Variants in DTD1 observed in about 807,000 individuals in gnomAD.
The protein encoded by DTD1 is D-tyrosyl-tRNA deacylase 1 homolog.
DTD1 carries 13 observed loss-of-function variants against 25.6 expected under a neutral mutation model. That is an observed-to-expected ratio of 0.51 (90% CI 0.33 to 0.81). DTD1 has a LOEUF of 0.81. Ranked by LOEUF, DTD1 falls within the 30% of genes least tolerant of loss-of-function variation. DTD1 has a pLI of 0.02. For synonymous variants in DTD1, 110 were observed against 103.6 expected, an observed-to-expected ratio of 1.06 and a Z score of -0.37; for missense variants, 193 against 266.4, an observed-to-expected ratio of 0.72 and a Z score of 1.92.
At chr20:18,692,524 T>A (rs1331595628) in intron 4 of DTD1, among the ~76,000 whole-genome samples, 2 of 152,208 alleles carry the variant, frequency 1.3e-5, no homozygotes, top group African/African-American at 4.8e-5. Context: ...CCACCATGAA[T>A]GGATCCACTC....
intron 1 of DTD1, among the ~76,000 whole-genome samples, chr20:18,592,023 T>A (rs1298652508): frequency 6.6e-6 from 1 of 152,248 alleles, no homozygotes. Flanking sequence ...TGATGTGCTC[T>A]GCTGGGATCT....
chr20:18,661,540 T>G (rs1391671959), intron 4 of DTD1, among the ~76,000 whole-genome samples: 1 of 152,008 alleles, frequency 6.6e-6, no homozygotes, highest in African/African-American at 2.4e-5. Flanking sequence ...CCTGGCTAAT[T>G]TTTTGTATTT....
chr20:18,630,064 G>A (rs2060778734), intron 4 of DTD1, among the ~76,000 whole-genome samples: 1 of 151,962 alleles, frequency 6.6e-6, no homozygotes, highest in Non-Finnish European at 1.5e-5. Flanking sequence ...GAACATGTCT[G>A]ATGTAGTAGG....
chr20:18,673,994 T>A (rs1217367290), intron 4 of DTD1, among the ~76,000 whole-genome samples: 1 of 152,218 alleles, frequency 6.6e-6, no homozygotes, highest in Non-Finnish European at 1.5e-5. Context: ...CACCTTTTCT[T>A]AAATGACCAA....
At chr20:18,711,509 C>CCCT (rs1223534631) in intron 4 of DTD1, among the ~76,000 whole-genome samples, 1 of 151,960 alleles carries the variant, frequency 6.6e-6, no homozygotes, top group Non-Finnish European at 1.5e-5. Flanking sequence ...GTTTCTTAGG[C>CCCT]TTGTCCTTTT....
At chr20:18,597,779 AT>A (rs1221933851) in intron 3 of DTD1, among the ~76,000 whole-genome samples, 1 of 152,148 alleles carries the variant, frequency 6.6e-6, no homozygotes, top group Non-Finnish European at 1.5e-5. Context: ...TATTTTATCA[AT>A]TTCTGTGGTC....
intron 4 of DTD1, among the ~76,000 whole-genome samples, chr20:18,668,236 A>G (rs1346935304): frequency 6.6e-6 from 1 of 152,184 alleles, no homozygotes; most frequent in Non-Finnish European, 1.5e-5. Context: ...TTAGAAACAC[A>G]TTTTGGGCTA....
chr20:18,631,601 C>T, intron 4 of DTD1: 2 of 985,446 alleles, frequency 2.0e-6, no homozygotes, highest in Non-Finnish European at 2.4e-6. Context: ...GCCCCAGTGA[C>T]CTCACATTGC....
chr20:18,640,361 G>T (rs1322274473), intron 4 of DTD1, among the ~76,000 whole-genome samples: 1 of 151,776 alleles, frequency 6.6e-6, no homozygotes, highest in Non-Finnish European at 1.5e-5. Flanking sequence ...TAAGAATTTA[G>T]AAGTTTAAGA....
At chr20:18,627,712 A>G (rs150416282) in intron 3 of DTD1, among the ~76,000 whole-genome samples, 1 of 152,016 alleles carries the variant, frequency 6.6e-6, no homozygotes, top group East Asian at 1.9e-4. Context: ...GCTGTGCCCC[A>G]CCCAAATCTC....
At position 18,593,630 on chromosome 20, in the gene DTD1, A is replaced by G. The variant is rs917692092; in HGVS notation, c.44-101A>G. The G allele has an allele frequency of 1.0e-5, 8 of 781,032 alleles. No homozygotes were observed. The African/African-American group carries it at 1.2e-4, about 12-fold the overall frequency. 48.4% of individuals were successfully genotyped at this position (781,032 alleles called of 1,614,324 possible). ...ACTGACTTTAACCAAAGAAGTTATA[A>G]GAAGTATGTATGATGTTTAAAATAC... is the stretch of plus-strand genomic sequence containing the variant. On this transcript the variant is annotated intron_variant, in intron 1 of 5. Coordinates refer to ENST00000377452, the MANE Select transcript of DTD1 (RefSeq NM_080820.6).
At chr20:18,751,499 T>A (rs953866766) in intron 5 of DTD1, among the ~76,000 whole-genome samples, 13 of 152,040 alleles carry the variant, frequency 8.6e-5, no homozygotes, top group African/African-American at 3.1e-4. Flanking sequence ...TAGTCTTTTT[T>A]TTTTTTTGAG....
chr20:18,625,307 G>A (rs2060752718), intron 3 of DTD1, among the ~76,000 whole-genome samples: 1 of 152,218 alleles, frequency 6.6e-6, no homozygotes, highest in Admixed American at 6.5e-5. Context: ...CCCATTTGCT[G>A]ACAAAACAGA....
chr20:18,763,091 A>G (rs1195143790), intron 5 of DTD1, among the ~76,000 whole-genome samples: 2 of 152,182 alleles, frequency 1.3e-5, no homozygotes, highest in African/African-American at 4.8e-5. Context: ...AAAGCCATTT[A>G]GAAGTGTGTT....
chr20:18,761,209 C>G (rs978299582), intron 5 of DTD1, among the ~76,000 whole-genome samples: 1 of 151,832 alleles, frequency 6.6e-6, no homozygotes, highest in African/African-American at 2.4e-5. Context: ...TCGCCCTGCT[C>G]GGTGTGCTGC....
At chr20:18,641,014 T>C (rs2060826100) in intron 4 of DTD1, among the ~76,000 whole-genome samples, 1 of 152,228 alleles carries the variant, frequency 6.6e-6, no homozygotes, top group South Asian at 2.1e-4. Flanking sequence ...CTTCAGCCAC[T>C]GGCAACGGCC....
chr20:18,743,018 G>T (rs2061284685), intron 4 of DTD1, among the ~76,000 whole-genome samples: 1 of 152,226 alleles, frequency 6.6e-6, no homozygotes, highest in South Asian at 2.1e-4. Context: ...AAATTCCGTG[G>T]TTCAAAACTT....
At chr20:18,695,786 T>A (rs1015054416) in intron 4 of DTD1, among the ~76,000 whole-genome samples, 4 of 151,582 alleles carry the variant, frequency 2.6e-5, no homozygotes, top group African/African-American at 9.7e-5. Flanking sequence ...TCTTCCTGCC[T>A]CAGCCTCCCA....
At chr20:18,662,894 A>G (rs2060916937) in intron 4 of DTD1, among the ~76,000 whole-genome samples, 3 of 152,086 alleles carry the variant, frequency 2.0e-5, no homozygotes, top group Non-Finnish European at 4.4e-5. Context: ...TGATAAATTA[A>G]CTTTCTTTTT....
Sources: gnomAD v4.1 joint callset for allele counts (sites outside exome capture counted in the v4.1 genomes callset) on GRCh38, gnomAD v4.1.1 for gene constraint, MANE v1.5 for transcripts, NCBI Gene and HGNC (gene_info 2026-07-23, HGNC 2026-07-21) for gene names.